Variants in LRRC3B observed in about 807,000 individuals in gnomAD.
LRRC3B encodes the protein leucine-rich repeat-containing protein 3B.
A neutral mutation model predicts 12.8 loss-of-function variants in LRRC3B; 2 were observed. The observed-to-expected ratio is 0.16, with a 90% CI of 0.06 to 0.49. The LOEUF is 0.49. LRRC3B is among the 20% of genes least tolerant of loss of function. LRRC3B has a pLI of 0.96. For missense variants in LRRC3B, 189 were observed against 319.4 expected, an observed-to-expected ratio of 0.59 and a Z score of 3.11; for synonymous variants, 132 against 122.0, an observed-to-expected ratio of 1.08 and a Z score of -0.54.
chr3:26,668,327 C>T (rs1262281859), intron 1 of LRRC3B, among the ~76,000 whole-genome samples: 2 of 152,058 alleles, frequency 1.3e-5, no homozygotes, highest in Non-Finnish European at 2.9e-5. Context: ...TTGATCATGA[C>T]ATTAGAGAGC....
chr3:26,709,705 C>G, exon 2 of LRRC3B: 1 of 1,614,036 alleles, frequency 6.2e-7, no homozygotes, highest in Non-Finnish European at 8.5e-7. Context: ...TAACCCGTTC[C>G]CTCTCCATGT....
At chr3:26,673,209 A>ATTCTT (rs1008459435) in intron 1 of LRRC3B, among the ~76,000 whole-genome samples, 3 of 152,298 alleles carry the variant, frequency 2.0e-5, no homozygotes, top group Admixed American at 1.3e-4. Flanking sequence ...TCTAGAAGTC[A>ATTCTT]TTCTTTAAAA....
intron 1 of LRRC3B, among the ~76,000 whole-genome samples, chr3:26,689,521 T>A (rs1199741445): frequency 6.6e-6 from 1 of 152,230 alleles, no homozygotes; most frequent in Non-Finnish European, 1.5e-5. Flanking sequence ...AATTAAATAC[T>A]GTTGTTTCCA....
At chr3:26,709,518 C>T in exon 2 of LRRC3B, 1 of 724,976 alleles carries the variant, frequency 1.4e-6, no homozygotes, top group Non-Finnish European at 2.3e-6. Flanking sequence ...TTTAGGTGCC[C>T]AAGCAAGGAA....
chr3:26,710,703 T>C, exon 2 of LRRC3B: 1 of 342,856 alleles, frequency 2.9e-6, no homozygotes, highest in Non-Finnish European at 5.6e-6. Flanking sequence ...GTTAGATCCA[T>C]CTCACTATTT....
At chr3:26,708,560 C>A (rs1239007293) in intron 1 of LRRC3B, among the ~76,000 whole-genome samples, 1 of 152,090 alleles carries the variant, frequency 6.6e-6, no homozygotes, top group African/African-American at 2.4e-5. Flanking sequence ...GAACTGGTCC[C>A]AAAGATGTGT....
At chr3:26,708,954 T>C (rs1700678027) in intron 1 of LRRC3B, among the ~76,000 whole-genome samples, 1 of 152,198 alleles carries the variant, frequency 6.6e-6, no homozygotes, top group African/African-American at 2.4e-5. Context: ...AGGTTCTTGG[T>C]TGTCAGCCTC....
intron 1 of LRRC3B, among the ~76,000 whole-genome samples, chr3:26,647,783 G>C (rs1699183627): frequency 6.6e-6 from 1 of 152,176 alleles, no homozygotes. Flanking sequence ...CAAAGAATTT[G>C]CAGGTGTAAA....
intron 1 of LRRC3B, among the ~76,000 whole-genome samples, chr3:26,642,171 G>C (rs1699043881): frequency 6.6e-6 from 1 of 152,136 alleles, no homozygotes; most frequent in Non-Finnish European, 1.5e-5. Flanking sequence ...TCCATGTCAG[G>C]AGGCTTCAGA....
At chr3:26,676,550 C>T (rs1699864887) in intron 1 of LRRC3B, among the ~76,000 whole-genome samples, 1 of 152,138 alleles carries the variant, frequency 6.6e-6, no homozygotes, top group South Asian at 2.1e-4. Context: ...TACCATCTCA[C>T]ACCAGTTAGA....
chr3:26,694,048 A>G (rs954370891), intron 1 of LRRC3B, among the ~76,000 whole-genome samples: 1 of 152,120 alleles, frequency 6.6e-6, no homozygotes, highest in South Asian at 2.1e-4. Flanking sequence ...GTGTTTCTCT[A>G]TGGTAATATT....
chr3:26,645,990 G>A (rs1490310958), intron 1 of LRRC3B, among the ~76,000 whole-genome samples: 1 of 152,120 alleles, frequency 6.6e-6, no homozygotes, highest in African/African-American at 2.4e-5. Flanking sequence ...TCTGACTGTG[G>A]TCCATTCCAA....
At chr3:26,682,958 G>A (rs1005644287) in intron 1 of LRRC3B, among the ~76,000 whole-genome samples, 5 of 152,154 alleles carry the variant, frequency 3.3e-5, no homozygotes, top group Non-Finnish European at 7.4e-5. Context: ...GCATTCTGCA[G>A]CATGTAAGAA....
intron 1 of LRRC3B, among the ~76,000 whole-genome samples, chr3:26,629,801 G>A (rs886709224): frequency 6.6e-6 from 1 of 152,084 alleles, no homozygotes; most frequent in Non-Finnish European, 1.5e-5. Flanking sequence ...TTCCCAAAGG[G>A]AAGATGTACT....
intron 1 of LRRC3B, among the ~76,000 whole-genome samples, chr3:26,656,796 C>T (rs1298051160): frequency 6.6e-6 from 1 of 152,164 alleles, no homozygotes; most frequent in African/African-American, 2.4e-5. Flanking sequence ...TTGCTTTCTA[C>T]TCCACAGGGT....
chr3:26,638,693 G>A lies in LRRC3B; in HGVS notation c.-161+15456G>A, dbSNP rs111385983. Among the ~76,000 whole-genome samples, 403 of 152,366 alleles carry A rather than the reference G, an allele frequency of 2.6e-3. 1 individual carries two copies. The highest frequency in any genetic ancestry group is 9.2e-3 in the African/African-American group (384 of 41,576). On this transcript the variant is annotated intron_variant, in intron 1 of 1. Transcript: ENST00000396641. Reference sequence around the variant, plus strand: ...TGACTTCATAATTGGTCCCTTTGGAGAGAGATGCTGTTGCCTTTATTCAAA... The same window carrying A: ...TGACTTCATAATTGGTCCCTTTGGAAAGAGATGCTGTTGCCTTTATTCAAA...
At chr3:26,641,193 A>C (rs1166545707) in intron 1 of LRRC3B, among the ~76,000 whole-genome samples, 2 of 152,138 alleles carry the variant, frequency 1.3e-5, no homozygotes, top group African/African-American at 4.8e-5. Flanking sequence ...AAGAGAAGCA[A>C]GGGCAAACTA....
At position 26,693,530 on chromosome 3, in the gene LRRC3B, C is replaced by A. The variant is rs76776387; in HGVS notation, c.-160-15983C>A. Among the ~76,000 whole-genome samples, 1,246 of 152,106 alleles carry A rather than the reference C, an allele frequency of 8.2e-3. 74 individuals are homozygous for A. In the East Asian group the frequency reaches 0.16, roughly 20 times the overall value. On this transcript the variant is annotated intron_variant, in intron 1 of 1. Coordinates refer to ENST00000396641, the Ensembl canonical transcript of LRRC3B. ...GCTTTAAAGTTGCATTGCAAAAGAC[C>A]ATGGATAATACAAGATGAGGAATCA...
chr3:26,662,330 A>C (rs1390478660), intron 1 of LRRC3B, among the ~76,000 whole-genome samples: 1 of 152,142 alleles, frequency 6.6e-6, no homozygotes, highest in African/African-American at 2.4e-5. Flanking sequence ...GCTAGGACTG[A>C]TATTCATCTG....
Sources: allele counts gnomAD v4.1 joint callset (sites outside exome capture counted in the v4.1 genomes callset), GRCh38; gene constraint gnomAD v4.1.1; transcripts MANE v1.5; gene names NCBI Gene and HGNC (gene_info 2026-07-23, HGNC 2026-07-21).